Variants in KCTD1 observed in about 807,000 individuals in gnomAD.
KCTD1 encodes potassium channel tetramerization domain containing 1, also known as BTB/POZ domain-containing protein KCTD1.
In KCTD1, 24 loss-of-function variants were observed where a neutral mutation model predicts 66.0. The observed-to-expected ratio is 0.36, with a 90% CI of 0.26 to 0.51. The LOEUF is 0.51. Ranked by LOEUF, KCTD1 falls within the 20% of genes least tolerant of loss-of-function variation. KCTD1 has a pLI of 0.95. For missense variants in KCTD1, 943 were observed against 1,205.2 expected, an observed-to-expected ratio of 0.78 and a Z score of 3.22; for synonymous variants, 511 against 517.2, an observed-to-expected ratio of 0.99 and a Z score of 0.16.
At chr18:26,598,816 ATTCT>A (rs4041523) in intron 1 of KCTD1, among the ~76,000 whole-genome samples, 15,039 of 152,086 alleles carry the variant, frequency 0.099, 835 homozygotes, top group Admixed American at 0.15. Context: ...CTCTCTTTAA[ATTCT>A]TTGCCTATTT....
At chr18:26,608,852 T>C (rs967215901) in intron 1 of KCTD1, among the ~76,000 whole-genome samples, 1 of 152,258 alleles carries the variant, frequency 6.6e-6, no homozygotes, top group Non-Finnish European at 1.5e-5. Context: ...GCCAATTGCT[T>C]CTGATGTCAA....
intron 1 of KCTD1, among the ~76,000 whole-genome samples, chr18:26,615,592 A>T (rs1987232174): frequency 6.6e-6 from 1 of 152,220 alleles, no homozygotes; most frequent in South Asian, 2.1e-4. Context: ...CTCCAGCCTC[A>T]GTATCCTGTC....
At chr18:26,519,872 T>C (rs549387881) in intron 1 of KCTD1, among the ~76,000 whole-genome samples, 2 of 152,332 alleles carry the variant, frequency 1.3e-5, no homozygotes, top group Admixed American at 1.3e-4. Flanking sequence ...GTCTATATAT[T>C]CGGAGCCAAT....
chr18:26,468,154 T>A lies in KCTD1; in HGVS notation c.2134-8229A>T, dbSNP rs1473370627. ...TGCGTACACGCTCATGTGCAGGGCA[T>A]AAAACAACAATGAGCAAATCAGTAA... On this transcript the variant is annotated intron_variant, in intron 3 of 4. Transcript: ENST00000580059. The surrounding 1 kb of genome is among the most constrained non-coding windows in gnomAD (Gnocchi z 4.8). Among the ~76,000 whole-genome samples, 1 of 152,008 alleles carries A rather than the reference T, an allele frequency of 6.6e-6. No homozygotes were observed. The highest frequency in any genetic ancestry group is 2.4e-5 in the African/African-American group (1 of 41,364).
At chr18:26,535,411 G>A (rs1288736952) in intron 1 of KCTD1, among the ~76,000 whole-genome samples, 1 of 151,988 alleles carries the variant, frequency 6.6e-6, no homozygotes, top group East Asian at 1.9e-4. Flanking sequence ...CCCCAGCAAG[G>A]AGCCAGTCTG....
chr18:26,503,300 T>C (rs1982861377), intron 1 of KCTD1, among the ~76,000 whole-genome samples: 1 of 151,934 alleles, frequency 6.6e-6, no homozygotes, highest in Non-Finnish European at 1.5e-5. Flanking sequence ...GGGTATTGGG[T>C]ATTGGAAAAA....
chr18:26,517,363 G>A (rs1487040980), intron 1 of KCTD1, among the ~76,000 whole-genome samples: 1 of 152,008 alleles, frequency 6.6e-6, no homozygotes, highest in South Asian at 2.1e-4. Context: ...TTTAAAAAAG[G>A]GGAGTTTAAA....
At chr18:26,483,067 A>C (rs1981730463) in intron 2 of KCTD1, among the ~76,000 whole-genome samples, 1 of 152,212 alleles carries the variant, frequency 6.6e-6, no homozygotes, top group East Asian at 1.9e-4. Flanking sequence ...TTGCTGGCTA[A>C]GAGATTCAGA....
Position 26,600,271 on chromosome 18 carries a change from T to C in KCTD1, c.-16+28876A>G, listed in dbSNP as rs187673546. 5.8e-4 allele frequency: 925 copies of C among 1,606,288 alleles called. 5 individuals are homozygous for C. In the African/African-American group the frequency reaches 0.011, roughly 19 times the overall value. On this transcript the variant is annotated intron_variant, in intron 1 of 4. Transcript: ENST00000317932. ...TGCCTTCCGCTGTGCCAGCTGCCCC[T>C]ACCTTGGGATGCCAGCCTTCAAACC...
upstream of KCTD1, chr18:26,549,401 C>A: frequency 1.0e-6 from 1 of 985,554 alleles, no homozygotes; most frequent in Non-Finnish European, 1.2e-6. Context: ...CTGGGGCGCT[C>A]CCCGTAGGTC....
rs74689781 is a variant in KCTD1 at position 26,508,138 on chromosome 18, T to C, written c.1810-6888A>G. ...GAATTCACCAAATCTGACTAAAATATACTCTGACATGAAACAGCCCTTAGG... is the reference window on the plus strand; with the variant it reads ...GAATTCACCAAATCTGACTAAAATACACTCTGACATGAAACAGCCCTTAGG... On this transcript the variant is annotated intron_variant, in intron 1 of 4. Transcript: ENST00000580059. Among the ~76,000 whole-genome samples the C allele has an allele frequency of 5.9e-3, 897 of 152,328 alleles. 10 individuals are homozygous for C. Among genetic ancestry groups the C allele is most frequent in the African/African-American group, 0.021 (855 of 41,576 alleles).
At chr18:26,565,445 T>C (rs77279474) in intron 1 of KCTD1, among the ~76,000 whole-genome samples, 2,831 of 152,270 alleles carry the variant, frequency 0.019, 64 homozygotes, top group African/African-American at 0.054. Flanking sequence ...CTTCCCAGAG[T>C]ATACTCTGGA....
At chr18:26,651,099 A>G (rs1173044131) in intron 1 of KCTD1, among the ~76,000 whole-genome samples, 1 of 151,844 alleles carries the variant, frequency 6.6e-6, no homozygotes, top group Admixed American at 6.6e-5. Context: ...CAACAATCTC[A>G]CACTGTTTTT....
At chr18:26,568,036 C>A (rs1257510421) in intron 1 of KCTD1, among the ~76,000 whole-genome samples, 1 of 152,120 alleles carries the variant, frequency 6.6e-6, no homozygotes, top group African/African-American at 2.4e-5. Context: ...CATTTTAGAT[C>A]TTTTTCTTCT....
intron 1 of KCTD1, among the ~76,000 whole-genome samples, chr18:26,583,393 C>CAAAAAAAAAAAA (rs55720907): frequency 3.5e-4 from 29 of 83,798 alleles, no homozygotes; most frequent in South Asian, 1.5e-3. Flanking sequence ...GACTTTGTCT[C>CAAAAAAAAAAAA]AAAAAAAAAA....
intron 1 of KCTD1, among the ~76,000 whole-genome samples, chr18:26,583,958 G>A (rs995537161): frequency 6.6e-6 from 1 of 152,092 alleles, no homozygotes; most frequent in South Asian, 2.1e-4. Flanking sequence ...TTTTGAGTTG[G>A]GTCTGTTGTT....
At chr18:26,600,318 C>G (rs1320457306) in intron 1 of KCTD1, 7 of 1,559,668 alleles carry the variant, frequency 4.5e-6, no homozygotes, top group Non-Finnish European at 6.2e-6. Context: ...CACTTCTGAG[C>G]AATAGCAATC....
chr18:26,657,341 C>A, intron 1 of KCTD1: 1 of 985,408 alleles, frequency 1.0e-6, no homozygotes, highest in South Asian at 4.7e-5. Context: ...AATAACAAAC[C>A]CAAACCGTCA....
chr18:26,600,498 G>A (rs1424442570), intron 1 of KCTD1, among the ~76,000 whole-genome samples: 3 of 151,986 alleles, frequency 2.0e-5, no homozygotes, highest in African/African-American at 4.8e-5. Flanking sequence ...GCTGGGGGGG[G>A]TGCAGTGGTG....
Sources: allele counts gnomAD v4.1 joint callset (sites outside exome capture counted in the v4.1 genomes callset), GRCh38; gene constraint gnomAD v4.1.1; non-coding constraint Gnocchi (gnomAD v3.1); transcripts MANE v1.5; gene names NCBI Gene and HGNC (gene_info 2026-07-23, HGNC 2026-07-21).